The following MPHOSPH9 variants were observed in gnomAD, a reference collection of about 807,000 sequenced individuals.
The protein encoded by MPHOSPH9 is M-phase phosphoprotein 9.
In MPHOSPH9, 88 loss-of-function variants were observed where a neutral mutation model predicts 145.5. The observed-to-expected ratio is 0.60, with a 90% CI of 0.51 to 0.72. The LOEUF is 0.72. MPHOSPH9 is among the 30% of genes least tolerant of loss of function. The probability of loss-of-function intolerance (pLI) is 0.00; values close to 1 mark genes in which losing one functional copy is unlikely to be tolerated. For missense variants in MPHOSPH9, 1,238 were observed against 1,386.6 expected (o/e 0.89, Z 1.70); for synonymous variants, 435 against 486.2 (o/e 0.89, Z 1.39).
rs1432072075 is a variant in MPHOSPH9, at chr12:123,161,147, C to T, written c.3370G>A (p.Glu1124Lys). The T allele has an allele frequency of 1.2e-6, 2 of 1,613,692 alleles. No individual in the cohort carries two copies. The highest frequency in any genetic ancestry group is 4.5e-5 in the East Asian group (2 of 44,878). The change falls in exon 22 of 24, where the codon GAA (glutamate) becomes AAA (lysine). Residue 1124 changes from glutamate (E) to lysine (K), a missense_variant. Transcript: ENST00000606320. ...TTGTTTGTTTTTACCTGGTCCTTTT[C>T]TTTTGTAAGTTCATCAAAAAATCGT... ...TERFFDELTK[E>K]KDQIEAALSR...
intron 13 of MPHOSPH9, 126 bp downstream of exon 13, chr12:123,194,260 C>T (rs1009917155): frequency 4.4e-6 from 3 of 676,492 alleles, no homozygotes; most frequent in Non-Finnish European, 7.1e-6. Flanking sequence ...CAGAGTGAGA[C>T]TCTGTCTCAA....
chr12:123,175,317 A>AT (rs376721201), intron 16 of MPHOSPH9, among the ~76,000 whole-genome samples: 1 of 151,534 alleles, frequency 6.6e-6, no homozygotes, highest in Non-Finnish European at 1.5e-5. Context: ...CGCCCGGCTA[A>AT]TTTTTTTTGT....
In MPHOSPH9 at chr12:123,157,051, T is replaced by C. The variant is rs1593047657; in HGVS notation, c.3451-143A>G. 1.7e-5 allele frequency: 9 copies of C among 537,346 alleles called. No homozygotes were observed. The East Asian group carries it at 2.3e-4, about 14-fold the overall frequency. 33.3% of individuals were successfully genotyped at this position (537,346 alleles called of 1,614,324 possible). A position where few individuals can be genotyped will look rare whatever the true frequency, so the allele number is the denominator to read the frequency against. ...TTTGCTTTCTACACGAAACATCTTA[T>C]GATTTCTTTTAAACTGGACAATATG... On this transcript the variant is annotated intron_variant, in intron 23 of 23. Transcript: ENST00000606320.
rs578033509 is a variant in MPHOSPH9 at position 123,203,858 on chromosome 12, A to AT, written c.1195-484dup. Among the ~76,000 whole-genome samples, 523 of 149,996 alleles carry AT rather than the reference A, an allele frequency of 3.5e-3. 3 individuals carry two copies. The highest frequency in any genetic ancestry group is 5.8e-3 in the Non-Finnish European group (394 of 67,386). Reference sequence around the variant, plus strand: ...AAGACCACGCCCAGCTAATTTTTCTATTTTTTTTTGTAGAGACAGGGTCTC... The same window carrying AT: ...AAGACCACGCCCAGCTAATTTTTCTATTTTTTTTTTGTAGAGACAGGGTCTC... On this transcript the variant is annotated intron_variant, in intron 8 of 23. Transcript: ENST00000606320.
rs2046891726 is a variant in MPHOSPH9 at position 123,214,846 on chromosome 12, A to T, written c.997-12T>A. The T allele has an allele frequency of 6.2e-7, 1 of 1,600,452 alleles. No homozygotes were observed. The highest frequency in any genetic ancestry group is 1.1e-5 in the South Asian group (1 of 90,742). On this transcript the variant is annotated splice_polypyrimidine_tract_variant and intron_variant, in intron 6 of 23. Transcript: ENST00000606320. ...GCAGCAAAATCAGACTACAAGAAAG[A>T]AAACTATTGATTGACAGCTAAAAGT...
At position 123,202,918 on chromosome 12, in the gene MPHOSPH9, G is replaced by T. The variant is rs533210067; in HGVS notation, c.1487C>A (p.Ala496Glu). 1.2e-6 allele frequency: 2 copies of T among 1,614,194 alleles called. No individual in the cohort carries two copies. Among genetic ancestry groups the T allele is most frequent in the Admixed American group, 3.3e-5 (2 of 60,012 alleles). Residue 496 changes from alanine to glutamate, a missense_variant, in exon 10 of 24, where the codon GCA becomes GAA. This residue lies in a region of MPHOSPH9 where 837 missense variants were observed against 897.5 expected (regional missense o/e 0.93). Transcript: ENST00000606320. ...AGGTAACTGAGAAGTGACATTACTT[G>T]CTTGTGAAAATGAGTCTATGTCAGA... is the stretch of plus-strand genomic sequence containing the variant. ...SPSDIDSFSQ[A>E]SNVTSQLPGF...
intron 1 of MPHOSPH9, among the ~76,000 whole-genome samples, chr12:123,241,076 T>A (rs1263767979): frequency 6.6e-6 from 1 of 151,664 alleles, no homozygotes; most frequent in Non-Finnish European, 1.5e-5. Context: ...TCTTTACTTC[T>A]CTCCAAAGTG....
chr12:123,164,177 C>T (rs537753944), intron 18 of MPHOSPH9, 87 bp from the exon 19 acceptor site: 3 of 1,437,688 alleles, frequency 2.1e-6, no homozygotes, highest in East Asian at 2.3e-5. Flanking sequence ...CAGGTGGTTA[C>T]ACATGGTTAC....
At chr12:123,169,005 C>T (rs2044452170) in intron 16 of MPHOSPH9, among the ~76,000 whole-genome samples, 1 of 151,624 alleles carries the variant, frequency 6.6e-6, no homozygotes, top group African/African-American at 2.4e-5. Context: ...CTGCTTCAGA[C>T]TCCCGAGTAG....
rs1593249373 is a variant in MPHOSPH9, at chr12:123,227,548, T to C, written c.173A>G (p.Gln58Arg). The change falls in exon 3 of 24, where the codon CAA becomes CGA. Residue 58 changes from glutamine to arginine, a missense_variant. Coordinates refer to ENST00000606320, the MANE Select transcript of MPHOSPH9 (RefSeq NM_022782.4). ...FSGKTRPSVI[Q>R]GTVEVLTSLM... is the part of the protein sequence containing the mutation. ...AGAAGTTAGGACTTCAACTGTACCT[T>C]GAATTACAGATGGTCTGGTCTTCCC... is the stretch of plus-strand genomic sequence containing the variant. 6.5e-7 allele frequency: 1 copy of C among 1,532,964 alleles called. No homozygotes were observed. The allele number at this position is 1,532,964 out of a possible 1,614,324, so 95.0% of individuals were successfully genotyped here. A position where few individuals can be genotyped will look rare whatever the true frequency, so the allele number is the denominator to read the frequency against.
chr12:123,174,376 T>C (rs1230649588), intron 16 of MPHOSPH9, among the ~76,000 whole-genome samples: 1 of 26,848 alleles, frequency 3.7e-5, no homozygotes, highest in African/African-American at 4.6e-5. Flanking sequence ...ACGACTCCAA[T>C]TTTTTTTTTT....
At chr12:123,203,634 C>T (rs1274893882) in intron 8 of MPHOSPH9, among the ~76,000 whole-genome samples, 1 of 152,112 alleles carries the variant, frequency 6.6e-6, no homozygotes, top group African/African-American at 2.4e-5. Flanking sequence ...CCTATGAATA[C>T]TTCCAAATAA....
chr12:123,210,705 A>G (rs1316294880), intron 7 of MPHOSPH9, among the ~76,000 whole-genome samples: 1 of 151,964 alleles, frequency 6.6e-6, no homozygotes, highest in Non-Finnish European at 1.5e-5. Context: ...AAAAAAAATT[A>G]AAATAATAAT....
chr12:123,197,322 C>G (rs1192001490), intron 12 of MPHOSPH9, among the ~76,000 whole-genome samples: 1 of 151,846 alleles, frequency 6.6e-6, no homozygotes, highest in Non-Finnish European at 1.5e-5. Flanking sequence ...GCTGGGACCA[C>G]AGCTGTGCAC....
intron 7 of MPHOSPH9, among the ~76,000 whole-genome samples, chr12:123,213,176 C>T (rs544323331): frequency 6.6e-6 from 1 of 151,986 alleles, no homozygotes; most frequent in Non-Finnish European, 1.5e-5. Flanking sequence ...CTGTTTTTCA[C>T]TCTCAGTGTT....
intron 11 of MPHOSPH9, among the ~76,000 whole-genome samples, chr12:123,198,809 C>CAAAAAAAA (rs35259138): frequency 1.2e-4 from 6 of 48,532 alleles, no homozygotes; most frequent in African/African-American, 3.9e-4. Context: ...GAACCTGTCT[C>CAAAAAAAA]AAAAAAAAAA....
chr12:123,209,393 A>G (rs964999394), intron 8 of MPHOSPH9, among the ~76,000 whole-genome samples: 5 of 151,816 alleles, frequency 3.3e-5, no homozygotes, highest in African/African-American at 4.8e-5. Flanking sequence ...ACAATTGTAA[A>G]ACACAAACAC....
chr12:123,157,673 G>T (rs1727312), intron 23 of MPHOSPH9, among the ~76,000 whole-genome samples: 82,716 of 151,402 alleles, frequency 0.55, 27,110 homozygotes, highest in Non-Finnish European at 0.71. Context: ...TTTTTGCAGA[G>T]ACAAGATCTC....
chr12:123,237,193 A>G (rs988581896), upstream of MPHOSPH9, among the ~76,000 whole-genome samples: 3 of 152,188 alleles, frequency 2.0e-5, no homozygotes, highest in Non-Finnish European at 2.9e-5. Flanking sequence ...ACTGTGGCTC[A>G]CGCCTGTAAT....
Sources: gnomAD v4.1 joint callset for allele counts (sites outside exome capture counted in the v4.1 genomes callset) on GRCh38, gnomAD v4.1.1 for gene constraint, gnomAD v4.1.1 regional missense constraint, MANE v1.5 for transcripts, NCBI Gene and HGNC (gene_info 2026-07-23, HGNC 2026-07-21) for gene names.